SLC35A1: variants seen among roughly 807,000 people sequenced by gnomAD.
SLC35A1 encodes the protein CMP-sialic acid transporter.
Under a neutral mutation model 40.3 loss-of-function variants are expected in SLC35A1, and 21 were observed. The ratio of observed to expected loss-of-function variants is 0.52; its 90% CI spans 0.37 to 0.75. The LOEUF (loss-of-function observed/expected upper bound fraction) is 0.75, where lower values mean the gene tolerates loss of function less well. Among genes scored for constraint, SLC35A1 ranks in the 30% least tolerant of loss-of-function variants. The probability of loss-of-function intolerance (pLI) is 0.00; values close to 1 mark genes in which losing one functional copy is unlikely to be tolerated. For missense variants in SLC35A1, 297 were observed against 382.1 expected, an observed-to-expected ratio of 0.78 and a Z score of 1.86; for synonymous variants, 146 against 147.3, an observed-to-expected ratio of 0.99 and a Z score of 0.06.
chr6:87,508,532 T>G lies in SLC35A1; in HGVS notation c.687T>G (p.Asp229Glu). The G allele has an allele frequency of 6.2e-7, 1 of 1,613,334 alleles. No homozygotes were observed. The highest frequency in any genetic ancestry group is 2.2e-5 in the East Asian group (1 of 44,778). The change falls in exon 6 of 8, where the codon GAT becomes GAG. Residue 229 changes from aspartate to glutamate, a missense_variant. Asp to Glu is a conservative substitution (Grantham distance 45). Coordinates refer to ENST00000369552, the MANE Select transcript of SLC35A1 (RefSeq NM_006416.5). Reference protein sequence around the residue: ...IVTLAGVYLSDGAEIKEKGFF... With the variant: ...IVTLAGVYLSEGAEIKEKGFF... ...CATTAGCTGGCGTCTACTTGTCAGA[T>G]GGAGCTGAAATTAAAGAAAAAGGAT...
intron 4 of SLC35A1, among the ~76,000 whole-genome samples, chr6:87,503,255 A>G (rs372018082): frequency 2.6e-5 from 4 of 152,180 alleles, no homozygotes; most frequent in Non-Finnish European, 5.9e-5. Flanking sequence ...TTGAGGTTGC[A>G]GTCAAGATAC....
At chr6:87,498,944 C>A (rs1769830871) in intron 2 of SLC35A1, 3 of 160,612 alleles carry the variant, frequency 1.9e-5, no homozygotes, top group South Asian at 2.0e-4. Context: ...TTTTGGTATT[C>A]TTCTGCTTTT....
chr6:87,479,376 G>A (rs1769181682), intron 2 of SLC35A1, among the ~76,000 whole-genome samples: 1 of 152,174 alleles, frequency 6.6e-6, no homozygotes, highest in African/African-American at 2.4e-5. Context: ...TGCATGGTAT[G>A]ACACAGCACC....
intron 7 of SLC35A1, among the ~76,000 whole-genome samples, chr6:87,510,265 T>C (rs1770223943): frequency 6.6e-6 from 1 of 152,182 alleles, no homozygotes; most frequent in Admixed American, 6.5e-5. Context: ...TCTACCTGAT[T>C]TGGGTGAACT....
chr6:87,501,151 T>C lies in SLC35A1; in HGVS notation c.355-7T>C, dbSNP rs774147829. 1.1e-4 allele frequency: 177 copies of C among 1,609,186 alleles called. 2 individuals are homozygous for C. The Admixed American group carries it at 2.9e-3, about 27-fold the overall frequency. ...CTGAATTTATTAATTCATTCTCTTT[T>C]TTTTAGGTGACCTACCAGTTGAAGA... is the stretch of plus-strand genomic sequence containing the variant. On this transcript the variant is annotated splice_region_variant and splice_polypyrimidine_tract_variant and intron_variant, in intron 3 of 7. Transcript: ENST00000369552.
intron 2 of SLC35A1, among the ~76,000 whole-genome samples, chr6:87,490,073 A>G (rs1014033217): frequency 2.0e-4 from 30 of 151,904 alleles, no homozygotes; most frequent in Admixed American, 6.6e-4. Flanking sequence ...TACAGAAAAT[A>G]CAAAAATTAG....
chr6:87,477,287 G>T, intron 1 of SLC35A1, 75 bp from the exon 2 acceptor site: 2 of 1,259,464 alleles, frequency 1.6e-6, no homozygotes, highest in Non-Finnish European at 2.2e-6. Context: ...GTATTTTTAG[G>T]CTATAACTAG....
rs1769110859 is a variant in SLC35A1 at position 87,477,538 on chromosome 6, A to G, written c.193A>G (p.Lys65Glu). 6.2e-7 allele frequency: 1 copy of G among 1,607,752 alleles called. No individual in the cohort carries two copies. The highest frequency in any genetic ancestry group is 1.3e-5 in the African/African-American group (1 of 74,802). ...ATTGCTAAGTGTGGGAATTTTAGCT[A>G]AGTGAGTATAAATACTTATAGTGTG... ...KLLLSVGILA[K>E]ETGSLGRFKA... is the part of the protein sequence containing the mutation. Residue 65 changes from lysine (K) to glutamate (E), a missense_variant and splice_region_variant, in exon 2 of 8, where the codon AAA becomes GAA. Transcript: ENST00000369552.
intron 1 of SLC35A1, among the ~76,000 whole-genome samples, chr6:87,473,499 C>T (rs2268991): frequency 0.046 from 7,059 of 152,324 alleles, 201 homozygotes; most frequent in East Asian, 0.096. Flanking sequence ...GGCCATGCAA[C>T]AACCACTAAA....
chr6:87,501,528 A>G (rs150141645), intron 4 of SLC35A1, among the ~76,000 whole-genome samples: 2 of 152,326 alleles, frequency 1.3e-5, no homozygotes, highest in Non-Finnish European at 2.9e-5. Flanking sequence ...TATGTTACAG[A>G]TGGAACATAC....
intron 2 of SLC35A1, among the ~76,000 whole-genome samples, chr6:87,486,214 A>T (rs758632199): frequency 6.6e-6 from 1 of 152,186 alleles, no homozygotes. Flanking sequence ...TAAAGTACAT[A>T]TATTATACGG....
At chr6:87,507,940 TCA>T (rs779158877) in intron 5 of SLC35A1, among the ~76,000 whole-genome samples, 3 of 151,584 alleles carry the variant, frequency 2.0e-5, no homozygotes. Flanking sequence ...AAATTCTACT[TCA>T]GTTTTGGTTG....
At chr6:87,491,541 G>A (rs913004238) in intron 2 of SLC35A1, among the ~76,000 whole-genome samples, 2 of 152,190 alleles carry the variant, frequency 1.3e-5, no homozygotes, top group Admixed American at 1.3e-4. Context: ...CAGTGGCGTT[G>A]TTAGACATTT....
chr6:87,486,980 C>G (rs1378063165), intron 2 of SLC35A1, among the ~76,000 whole-genome samples: 2 of 152,098 alleles, frequency 1.3e-5, no homozygotes, highest in African/African-American at 4.8e-5. Context: ...AGTTCAAGAC[C>G]AGCCTGGCCA....
intron 4 of SLC35A1, among the ~76,000 whole-genome samples, chr6:87,501,937 G>A (rs933596002): frequency 1.3e-5 from 2 of 152,094 alleles, no homozygotes; most frequent in African/African-American, 4.8e-5. Flanking sequence ...GCCTCAATCA[G>A]TTATTTCCCC....
chr6:87,509,617 G>C (rs1169387971), intron 7 of SLC35A1, among the ~76,000 whole-genome samples: 1 of 152,106 alleles, frequency 6.6e-6, no homozygotes, highest in Non-Finnish European at 1.5e-5. Context: ...CCCTCAGCTT[G>C]TACTTTCCAA....
chr6:87,500,850 C>T (rs1769900214), intron 3 of SLC35A1, among the ~76,000 whole-genome samples, 183 bp downstream of exon 3: 2 of 151,538 alleles, frequency 1.3e-5, no homozygotes, highest in East Asian at 1.9e-4. Flanking sequence ...CAGGTTCAAG[C>T]GATTCTCCTG....
chr6:87,509,172 A>G lies in SLC35A1; in HGVS notation c.883A>G (p.Ile295Val). 4 of 1,614,100 alleles carry G rather than the reference A, an allele frequency of 2.5e-6. No individual in the cohort carries two copies. The highest frequency in any genetic ancestry group is 2.5e-6 in the Non-Finnish European group (3 of 1,179,958). The change falls in exon 7 of 8, where the codon ATA becomes GTA. Residue 295 changes from isoleucine to valine, a missense_variant. Transcript: ENST00000369552. The stretch of plus-strand genomic sequence containing the variant: ...TTCAGTAATGCTGTTTGGATTACAG[A>G]TAAGTATGTCTTAGTTTGTGTTGAG... ...IASVMLFGLQITLTFALGTLL... is the reference protein window; with the variant it reads ...IASVMLFGLQVTLTFALGTLL...
rs541424730 is a variant in SLC35A1, at chr6:87,490,110, T to A, written c.195-10398T>A. On this transcript the variant is annotated intron_variant, in intron 2 of 7. Transcript: ENST00000369552. ...TGGGTGTGGTGGTGTGCACCTTTAG[T>A]CCCAGCTACTTCAGGGGCTGAGGCA... Among the ~76,000 whole-genome samples the A allele has an allele frequency of 7.9e-5, 12 of 151,858 alleles. No individual in the cohort carries two copies. The South Asian group carries it at 2.3e-3, about 29-fold the overall frequency.
Sources: gnomAD v4.1 joint callset for allele counts (sites outside exome capture counted in the v4.1 genomes callset) on GRCh38, gnomAD v4.1.1 for gene constraint, MANE v1.5 for transcripts, NCBI Gene and HGNC (gene_info 2026-07-23, HGNC 2026-07-21) for gene names.